The following ZNF423 variants were observed in gnomAD, a reference collection of about 807,000 sequenced individuals.
The protein encoded by ZNF423 is Ebf-associated zinc finger protein.
Under a neutral mutation model 95.8 loss-of-function variants are expected in ZNF423, and 12 were observed. The ratio of observed to expected loss-of-function variants is 0.13; its 90% CI spans 0.08 to 0.20. The LOEUF is 0.20. ZNF423 is among the 10% of genes least tolerant of loss of function. ZNF423 has a pLI of 1.00. For missense variants in ZNF423, 1,316 were observed against 1,737.1 expected, an observed-to-expected ratio of 0.76 and a Z score of 4.31; for synonymous variants, 749 against 711.9, an observed-to-expected ratio of 1.05 and a Z score of -0.83.
At chr16:49,594,252 G>A (rs11646857) in intron 5 of ZNF423, among the ~76,000 whole-genome samples, 60,528 of 151,724 alleles carry the variant, frequency 0.4, 12,606 homozygotes, top group Admixed American at 0.52. Context: ...CCTCCCATGC[G>A]CCATCCCCTC....
chr16:49,514,229 TACACACACACGCACACGCACAC>T (rs1968033966), intron 7 of ZNF423, among the ~76,000 whole-genome samples: 1 of 139,016 alleles, frequency 7.2e-6, no homozygotes, highest in Non-Finnish European at 1.5e-5. Flanking sequence ...CGCACATGCG[TACACACACACGCACACGCACAC>T]ACACACACAC....
intron 5 of ZNF423, among the ~76,000 whole-genome samples, chr16:49,602,935 C>T (rs186631512): frequency 1.3e-5 from 2 of 152,224 alleles, no homozygotes; most frequent in East Asian, 1.9e-4. Flanking sequence ...GCGGAGCTGC[C>T]GGCGGGCGAT....
At chr16:49,687,164 TAAACAGTGGGC>T (rs771128138) in intron 3 of ZNF423, among the ~76,000 whole-genome samples, 3 of 151,922 alleles carry the variant, frequency 2.0e-5, no homozygotes, top group Non-Finnish European at 4.4e-5. Flanking sequence ...CATCCACTAA[TAAACAGTGGGC>T]AGGCCTCCCA....
chr16:49,749,991 G>A (rs2033603163), intron 2 of ZNF423, among the ~76,000 whole-genome samples: 1 of 152,216 alleles, frequency 6.6e-6, no homozygotes, highest in African/African-American at 2.4e-5. Context: ...CCGTGCAGAT[G>A]GAAAGGGCCA....
rs113580537 is a variant in ZNF423, at chr16:49,720,425, C to A, written c.301+10346G>T. Among the ~76,000 whole-genome samples, 16 of 152,236 alleles carry A rather than the reference C, an allele frequency of 1.1e-4. No homozygotes were observed. In the East Asian group the frequency reaches 1.9e-3, roughly 18 times the overall value. The stretch of plus-strand genomic sequence containing the variant: ...GTCCACCCTGGGAGCTGCAATCCCA[C>A]CCCCCACCAGCAGTTAGCAGATAAC... On this transcript the variant is annotated intron_variant, in intron 3 of 7. Coordinates refer to ENST00000563137, the MANE Select transcript of ZNF423 (RefSeq NM_001379286.1).
chr16:49,752,210 G>C (rs1486066214), intron 2 of ZNF423, among the ~76,000 whole-genome samples: 1 of 152,248 alleles, frequency 6.6e-6, no homozygotes, highest in African/African-American at 2.4e-5. Context: ...ATTGCAAACA[G>C]GTGGCCTGAT....
intron 3 of ZNF423, among the ~76,000 whole-genome samples, chr16:49,684,176 C>T (rs769105022): frequency 5.0e-4 from 76 of 152,186 alleles, no homozygotes; most frequent in Non-Finnish European, 7.3e-5. Context: ...ATATTAGACA[C>T]CCTCTGGTTG....
chr16:49,593,827 A>AG (rs1971095075), intron 5 of ZNF423, among the ~76,000 whole-genome samples: 1 of 152,088 alleles, frequency 6.6e-6, no homozygotes, highest in Admixed American at 6.6e-5. Context: ...GGTTGGGGAG[A>AG]GGGGGCCGCG....
At chr16:49,764,735 T>A (rs957050422) in intron 2 of ZNF423, 10 of 151,840 alleles carry the variant, frequency 6.6e-5, no homozygotes, top group African/African-American at 1.5e-4. Flanking sequence ...GACACCCACC[T>A]CTTTTTTCTT....
At chr16:49,679,242 A>C (rs1273876399) in intron 3 of ZNF423, among the ~76,000 whole-genome samples, 12 of 152,248 alleles carry the variant, frequency 7.9e-5, no homozygotes, top group Admixed American at 7.8e-4. Context: ...TGCCAGCTGC[A>C]GTTGGGGAGG....
chr16:49,704,416 G>A (rs532121018), intron 3 of ZNF423, among the ~76,000 whole-genome samples: 1 of 152,232 alleles, frequency 6.6e-6, no homozygotes, highest in East Asian at 1.9e-4. Context: ...TGACCAACTT[G>A]TCCCAATTTG....
At chr16:49,824,616 G>A (rs2034986289) in intron 1 of ZNF423, among the ~76,000 whole-genome samples, 1 of 152,190 alleles carries the variant, frequency 6.6e-6, no homozygotes, top group Non-Finnish European at 1.5e-5. Context: ...GGGGAGCCAG[G>A]AGACCTGGGC....
intron 3 of ZNF423, among the ~76,000 whole-genome samples, chr16:49,641,124 A>G (rs11076491): frequency 0.65 from 99,019 of 152,118 alleles, 34,265 homozygotes; most frequent in African/African-American, 0.91. Context: ...GTGCTTTCTC[A>G]CAACTGCAAA....
At chr16:49,740,578 T>A (rs1273918407) in intron 2 of ZNF423, among the ~76,000 whole-genome samples, 2 of 152,258 alleles carry the variant, frequency 1.3e-5, no homozygotes, top group Admixed American at 1.3e-4. Context: ...TTTTAACACA[T>A]AATTTGCTGT....
At chr16:49,543,622 G>T (rs966978841) in intron 5 of ZNF423, among the ~76,000 whole-genome samples, 3 of 152,334 alleles carry the variant, frequency 2.0e-5, no homozygotes, top group African/African-American at 7.2e-5. Context: ...GTGCAGCCCG[G>T]GAGGAATGGG....
chr16:49,763,325 C>G (rs2033866092), intron 2 of ZNF423, among the ~76,000 whole-genome samples: 1 of 151,128 alleles, frequency 6.6e-6, no homozygotes, highest in Non-Finnish European at 1.5e-5. Context: ...GTTGCCCAGG[C>G]TGGAGTGCAG....
At chr16:49,685,300 C>T (rs2031521279) in intron 3 of ZNF423, among the ~76,000 whole-genome samples, 1 of 152,194 alleles carries the variant, frequency 6.6e-6, no homozygotes. Flanking sequence ...CAGATATTAA[C>T]AAGGCACCTA....
At position 49,627,838 on chromosome 16, in the gene ZNF423, C is replaced by T. The variant is rs564650734; in HGVS notation, c.3517-1584G>A. 1.6e-3 allele frequency among the ~76,000 whole-genome samples: 241 copies of T among 149,212 alleles called. 2 individuals carry two copies. Among genetic ancestry groups the T allele is most frequent in the African/African-American group, 5.6e-3 (225 of 40,388 alleles). ...TCCATTTACATACACACCCATCCAT[C>T]CACCCATTCATCCATCCATCCAACC... On this transcript the variant is annotated intron_variant, in intron 4 of 7. Transcript: ENST00000563137.
intron 3 of ZNF423, among the ~76,000 whole-genome samples, chr16:49,678,516 C>T (rs1401442335): frequency 6.6e-6 from 1 of 152,154 alleles, no homozygotes; most frequent in African/African-American, 2.4e-5. Context: ...AAACAAGTGA[C>T]TGGGCAAGAT....
Sources: allele counts gnomAD v4.1 joint callset (sites outside exome capture counted in the v4.1 genomes callset), GRCh38; gene constraint gnomAD v4.1.1; transcripts MANE v1.5; gene names NCBI Gene and HGNC (gene_info 2026-07-23, HGNC 2026-07-21).